The following TP63 variants were observed in gnomAD, a reference collection of about 807,000 sequenced individuals.
The protein encoded by TP63 is tumor protein 63.
A neutral mutation model predicts 82.8 loss-of-function variants in TP63; 17 were observed. The ratio of observed to expected loss-of-function variants is 0.21; its 90% CI spans 0.14 to 0.31. The LOEUF (loss-of-function observed/expected upper bound fraction) is 0.31. Ranked by LOEUF, TP63 falls within the 10% of genes least tolerant of loss-of-function variation. The probability of loss-of-function intolerance (pLI) is 1.00; values close to 1 mark genes in which losing one functional copy is unlikely to be tolerated. For synonymous variants in TP63, 330 were observed against 321.7 expected (o/e 1.03, Z -0.28); for missense variants, 648 against 895.3 (o/e 0.72, Z 3.52).
At chr3:189,717,552 A>G (rs752185110) in intron 1 of TP63, among the ~76,000 whole-genome samples, 1 of 152,190 alleles carries the variant, frequency 6.6e-6, no homozygotes, top group South Asian at 2.1e-4. Context: ...TTTAAACTCA[A>G]TACACTAAAA....
rs530014183 is a variant in TP63 at position 189,757,024 on chromosome 3, T to C, written c.324+18250T>C. ...GAAGTAATACTCATGCTATTAGTCA[T>C]CTGTCCTTTCCTTTGGCAAAATATG... is the stretch of plus-strand genomic sequence containing the variant. On this transcript the variant is annotated intron_variant, in intron 3 of 13. Coordinates refer to ENST00000264731, the MANE Select transcript of TP63 (RefSeq NM_003722.5). 2.3e-3 allele frequency among the ~76,000 whole-genome samples: 344 copies of C among 152,346 alleles called. 2 individuals are homozygous for C. The highest frequency in any genetic ancestry group is 7.7e-3 in the African/African-American group (320 of 41,580).
the TP63 span, among the ~76,000 whole-genome samples, chr3:189,605,183 G>T: frequency 6.6e-6 from 1 of 152,186 alleles, no homozygotes; most frequent in African/African-American, 2.4e-5. Flanking sequence ...CAAAATGCCT[G>T]CCTTGTCTAC....
intron 3 of TP63, among the ~76,000 whole-genome samples, chr3:189,765,318 C>T (rs183030720): frequency 5.9e-5 from 9 of 151,778 alleles, no homozygotes; most frequent in African/African-American, 2.2e-4. Flanking sequence ...TTTTTTCCCC[C>T]CTGAGATCCA....
intron 1 of TP63, among the ~76,000 whole-genome samples, chr3:189,672,743 A>AG (rs1715038370): frequency 6.6e-6 from 1 of 152,002 alleles, no homozygotes; most frequent in Non-Finnish European, 1.5e-5. Context: ...AAAGAAGAAG[A>AG]GATTAAGACC....
At chr3:189,862,895 G>C (rs560928594) in intron 4 of TP63, among the ~76,000 whole-genome samples, 1 of 152,312 alleles carries the variant, frequency 6.6e-6, no homozygotes, top group South Asian at 2.1e-4. Flanking sequence ...GGACATGGAG[G>C]ACTGATTTTG....
At chr3:189,827,506 A>T (rs1169900472) in intron 4 of TP63, among the ~76,000 whole-genome samples, 1 of 152,234 alleles carries the variant, frequency 6.6e-6, no homozygotes, top group Non-Finnish European at 1.5e-5. Context: ...GGAATGTAGT[A>T]CAGAAAACTG....
chr3:189,615,656 C>T, the TP63 span, among the ~76,000 whole-genome samples: 8 of 152,188 alleles, frequency 5.3e-5, no homozygotes, highest in African/African-American at 1.9e-4. Context: ...TGTCTCCAAT[C>T]TCCCCATTCC....
At chr3:189,892,057 A>G (rs1480167169) in intron 13 of TP63, among the ~76,000 whole-genome samples, 1 of 152,166 alleles carries the variant, frequency 6.6e-6, no homozygotes, top group African/African-American at 2.4e-5. Context: ...ATAAGTTATA[A>G]GCAAAAACTG....
rs370970051 is a variant in TP63 at position 189,861,920 on chromosome 3, T to C, written c.580-2312T>C. Among the ~76,000 whole-genome samples, 136 of 152,334 alleles carry C rather than the reference T, an allele frequency of 8.9e-4. No homozygotes were observed. In the South Asian group the frequency reaches 0.027, roughly 30 times the overall value. On this transcript the variant is annotated intron_variant, in intron 4 of 13. Transcript: ENST00000264731. Reference sequence around the variant, plus strand: ...TTTCTTATTTATAAAATAGGGATGATAATTCAAGTCAATTATCTGTTATCT... The same window carrying C: ...TTTCTTATTTATAAAATAGGGATGACAATTCAAGTCAATTATCTGTTATCT...
intron 1 of TP63, among the ~76,000 whole-genome samples, chr3:189,662,726 A>T (rs1012984683): frequency 6.6e-6 from 1 of 152,086 alleles, no homozygotes; most frequent in Non-Finnish European, 1.5e-5. Context: ...AAGAAAAAAT[A>T]TAAATAAATA....
At chr3:189,727,829 A>G (rs951060665) in intron 1 of TP63, among the ~76,000 whole-genome samples, 4 of 152,212 alleles carry the variant, frequency 2.6e-5, no homozygotes, top group South Asian at 4.1e-4. Flanking sequence ...CAGTTTGTCA[A>G]AAAGTACCCT....
chr3:189,701,897 TC>T (rs1717840486), intron 1 of TP63, among the ~76,000 whole-genome samples: 2 of 152,186 alleles, frequency 1.3e-5, no homozygotes, highest in African/African-American at 4.8e-5. Context: ...TTGTTTCTAA[TC>T]TTTTCTTTCT....
At chr3:189,853,897 C>T (rs1356345085) in intron 4 of TP63, among the ~76,000 whole-genome samples, 1 of 151,984 alleles carries the variant, frequency 6.6e-6, no homozygotes, top group African/African-American at 2.4e-5. Context: ...TCCTTTATAC[C>T]CAGTGTATTT....
chr3:189,756,135 G>C (rs1393041236), intron 3 of TP63, among the ~76,000 whole-genome samples: 2 of 152,072 alleles, frequency 1.3e-5, no homozygotes, highest in Admixed American at 1.3e-4. Context: ...CTTAACCCTT[G>C]CTTTTAGTAT....
At chr3:189,698,348 G>A (rs768855436) in intron 1 of TP63, among the ~76,000 whole-genome samples, 1 of 151,892 alleles carries the variant, frequency 6.6e-6, no homozygotes, top group Non-Finnish European at 1.5e-5. Context: ...AGTTTACATT[G>A]AAATGTCACT....
chr3:189,688,200 A>G (rs1716597531), intron 1 of TP63, among the ~76,000 whole-genome samples: 1 of 152,214 alleles, frequency 6.6e-6, no homozygotes, highest in Non-Finnish European at 1.5e-5. Context: ...TCTTCAAGTT[A>G]TAAAATGCCT....
intron 4 of TP63, among the ~76,000 whole-genome samples, chr3:189,853,920 CTG>C (rs1334284548): frequency 6.6e-6 from 1 of 152,138 alleles, no homozygotes; most frequent in Non-Finnish European, 1.5e-5. Flanking sequence ...GTTGTTTTTG[CTG>C]TACTCTGCCT....
chr3:189,714,582 T>C lies in TP63; in HGVS notation c.63-23158T>C, dbSNP rs78362840. Among the ~76,000 whole-genome samples the C allele has an allele frequency of 2.0e-3, 304 of 152,304 alleles. 2 individuals are homozygous for C. Among genetic ancestry groups the C allele is most frequent in the African/African-American group, 7.1e-3 (297 of 41,554 alleles). ...GTGACTTGGTTGTGACTTAGAGGCCTCCTTTTCAAGACTGTATCTCTCACT... is the reference window on the plus strand; with the variant it reads ...GTGACTTGGTTGTGACTTAGAGGCCCCCTTTTCAAGACTGTATCTCTCACT... On this transcript the variant is annotated intron_variant, in intron 1 of 13. Transcript: ENST00000264731.
intron 3 of TP63, 34 bp from the exon 4 acceptor site, chr3:189,808,238 C>A: frequency 1.2e-6 from 2 of 1,614,200 alleles, no homozygotes. Flanking sequence ...GTGGCTTCAG[C>A]GGCTAATATT....
Sources: gnomAD v4.1 joint callset for allele counts (sites outside exome capture counted in the v4.1 genomes callset) on GRCh38, gnomAD v4.1.1 for gene constraint, MANE v1.5 for transcripts, NCBI Gene and HGNC (gene_info 2026-07-23, HGNC 2026-07-21) for gene names.